Variants in UBE2K observed in about 807,000 individuals in gnomAD.
UBE2K encodes the protein ubiquitin conjugating enzyme E2 K.
In UBE2K, 6 loss-of-function variants were observed where a neutral mutation model predicts 30.0. That is an observed-to-expected ratio of 0.20 (90% CI 0.11 to 0.39). UBE2K has a LOEUF of 0.39. UBE2K is among the 10% of genes least tolerant of loss of function. UBE2K has a pLI of 1.00. For missense variants in UBE2K, 61 were observed against 241.6 expected (o/e 0.25, Z 4.96); for synonymous variants, 86 against 83.7 (o/e 1.03, Z -0.15).
chr4:39,769,802 A>T (rs919458469), intron 4 of UBE2K, among the ~76,000 whole-genome samples: 1 of 151,218 alleles, frequency 6.6e-6, no homozygotes, highest in African/African-American at 2.4e-5. Context: ...CCACATACAC[A>T]TGCGCCTCTA....
intron 4 of UBE2K, among the ~76,000 whole-genome samples, chr4:39,756,780 A>G (rs1040324721): frequency 1.3e-5 from 2 of 152,218 alleles, no homozygotes; most frequent in Non-Finnish European, 2.9e-5. Flanking sequence ...GGAGAAAACC[A>G]TAAAACTAGA....
chr4:39,765,393 G>A (rs776753265), intron 4 of UBE2K, among the ~76,000 whole-genome samples: 8 of 151,996 alleles, frequency 5.3e-5, no homozygotes, highest in Non-Finnish European at 7.4e-5. Context: ...GCATGGTGGC[G>A]TGAGTCTGTA....
chr4:39,707,068 G>A (rs543624826), intron 1 of UBE2K, among the ~76,000 whole-genome samples: 4 of 151,848 alleles, frequency 2.6e-5, no homozygotes, highest in Admixed American at 1.3e-4. Context: ...CACCACACCC[G>A]GCTAATTTTT....
intron 1 of UBE2K, among the ~76,000 whole-genome samples, chr4:39,724,468 C>T (rs188107028): frequency 1.3e-3 from 201 of 149,896 alleles, no homozygotes; most frequent in African/African-American, 2.2e-3. Flanking sequence ...GGGCATGGGC[C>T]GGGCATGGTG....
intron 4 of UBE2K, chr4:39,770,107 C>G (rs1712679120): frequency 6.3e-7 from 1 of 1,576,074 alleles, no homozygotes; most frequent in Non-Finnish European, 8.6e-7. Flanking sequence ...TTAATCTCGG[C>G]CACACTGGTC....
At chr4:39,722,403 A>T (rs1037195302) in intron 1 of UBE2K, among the ~76,000 whole-genome samples, 3 of 152,198 alleles carry the variant, frequency 2.0e-5, no homozygotes, top group African/African-American at 7.2e-5. Context: ...ACTGTTATTG[A>T]TGCTTGGTCA....
intron 4 of UBE2K, among the ~76,000 whole-genome samples, chr4:39,758,354 A>G (rs748601863): frequency 1.3e-5 from 2 of 152,114 alleles, no homozygotes; most frequent in Non-Finnish European, 2.9e-5. Flanking sequence ...TACTCAGGCT[A>G]TTCCCAGCAC....
At chr4:39,724,494 C>T (rs1719617542) in intron 1 of UBE2K, among the ~76,000 whole-genome samples, 1 of 144,430 alleles carries the variant, frequency 6.9e-6, no homozygotes, top group South Asian at 2.1e-4. Context: ...TGCCTGTAAT[C>T]CTAGCACTTT....
At chr4:39,722,391 T>A (rs1231569112) in intron 1 of UBE2K, among the ~76,000 whole-genome samples, 1 of 152,236 alleles carries the variant, frequency 6.6e-6, no homozygotes, top group Admixed American at 6.5e-5. Flanking sequence ...TCAGATTTTC[T>A]TACTGTTATT....
intron 4 of UBE2K, among the ~76,000 whole-genome samples, chr4:39,769,805 C>T (rs528619370): frequency 1.4e-4 from 22 of 152,116 alleles, no homozygotes; most frequent in African/African-American, 1.4e-4. Context: ...CATACACATG[C>T]GCCTCTAAGA....
In UBE2K at chr4:39,726,740, C is replaced by T. The variant is rs982363098; in HGVS notation, c.64-10680C>T. 2.6e-5 allele frequency among the ~76,000 whole-genome samples: 4 copies of T among 152,058 alleles called. No individual in the cohort carries two copies. In the South Asian group the frequency reaches 8.3e-4, roughly 32 times the overall value. On this transcript the variant is annotated intron_variant, in intron 1 of 6. Transcript: ENST00000261427. ...CCTCCTGAGTAGCTGGGACTACAGG[C>T]GTGCACCACCACACCTGGCTAATTT...
chr4:39,722,798 TC>T (rs149160035), intron 1 of UBE2K, among the ~76,000 whole-genome samples: 27,866 of 144,166 alleles, frequency 0.19, 2,676 homozygotes, highest in South Asian at 0.27. Context: ...TCTTTTTCTC[TC>T]TTTTTTTTTT....
At chr4:39,744,680 G>C (rs571110159) in intron 2 of UBE2K, among the ~76,000 whole-genome samples, 167 of 150,878 alleles carry the variant, frequency 1.1e-3, no homozygotes, top group African/African-American at 3.8e-3. Flanking sequence ...GTTGAGGCAG[G>C]TGGATCACGA....
chr4:39,742,486 C>T (rs1026666839), intron 2 of UBE2K, among the ~76,000 whole-genome samples: 3 of 152,132 alleles, frequency 2.0e-5, no homozygotes, highest in African/African-American at 7.2e-5. Context: ...CCTGTAATCC[C>T]ATTACTTTGG....
rs992341418 is a variant in UBE2K at position 39,729,368 on chromosome 4, T to C, written c.64-8052T>C. ...GTTCTTTGGATTTTCACAGATACCT[T>C]GTATCCAACATGTCTCAAACTGATT... On this transcript the variant is annotated intron_variant, in intron 1 of 6. Transcript: ENST00000261427. Among the ~76,000 whole-genome samples, 30 of 143,544 alleles carry C rather than the reference T, an allele frequency of 2.1e-4. 1 individual carries two copies. Among genetic ancestry groups the C allele is most frequent in the African/African-American group, 7.9e-4 (30 of 37,742 alleles). 94.2% of individuals were successfully genotyped at this position (143,544 alleles called of 152,430 possible). A position where few individuals can be genotyped will look rare whatever the true frequency, so the allele number is the denominator to read the frequency against.
At chr4:39,698,450 C>G (rs1175125316) in intron 1 of UBE2K, 60 bp downstream of exon 1, 1 of 1,507,458 alleles carries the variant, frequency 6.6e-7, no homozygotes, top group Non-Finnish European at 9.1e-7. Context: ...GTCCTCCCAG[C>G]TGCGACCCCG....
chr4:39,710,718 G>T (rs568999305), intron 1 of UBE2K, among the ~76,000 whole-genome samples: 5 of 152,070 alleles, frequency 3.3e-5, no homozygotes, highest in Admixed American at 2.6e-4. Context: ...AGGTCTGTGC[G>T]TCCAAAATAT....
chr4:39,751,037 C>T (rs1444401489), intron 3 of UBE2K, among the ~76,000 whole-genome samples: 2 of 151,960 alleles, frequency 1.3e-5, no homozygotes, highest in African/African-American at 2.4e-5. Context: ...TGAGCCACCA[C>T]GCCTGGCCCC....
intron 1 of UBE2K, among the ~76,000 whole-genome samples, chr4:39,733,051 G>GAAAAAAAAA (rs59978380): frequency 6.2e-5 from 6 of 97,056 alleles, no homozygotes; most frequent in African/African-American, 1.1e-4. Context: ...GGAACATCAG[G>GAAAAAAAAA]AAAAAAAAAA....
Sources: gnomAD v4.1 joint callset for allele counts (sites outside exome capture counted in the v4.1 genomes callset) on GRCh38, gnomAD v4.1.1 for gene constraint, MANE v1.5 for transcripts, NCBI Gene and HGNC (gene_info 2026-07-23, HGNC 2026-07-21) for gene names.